Variants in NELL2 observed in about 807,000 individuals in gnomAD.
NELL2 encodes the protein protein kinase C-binding protein NELL2.
A neutral mutation model predicts 109.6 loss-of-function variants in NELL2; 41 were observed. The observed-to-expected ratio is 0.37, with a 90% CI of 0.29 to 0.49. The LOEUF (loss-of-function observed/expected upper bound fraction) is 0.49. Among genes scored for constraint, NELL2 ranks in the 20% least tolerant of loss-of-function variants. The pLI is 0.98. For missense variants in NELL2, 900 were observed against 1,008.3 expected, an observed-to-expected ratio of 0.89 and a Z score of 1.45; for synonymous variants, 355 against 344.7, an observed-to-expected ratio of 1.03 and a Z score of -0.33.
chr12:44,817,233 G>A (rs1943383685), intron 2 of NELL2, among the ~76,000 whole-genome samples: 3 of 152,182 alleles, frequency 2.0e-5, no homozygotes, highest in African/African-American at 7.2e-5. Flanking sequence ...ACATTCCCAG[G>A]GAAGCAATGC....
In NELL2 at chr12:44,876,292, A is replaced by G. The variant is rs1049150167; in HGVS notation, c.-423T>C. The G allele has an allele frequency of 2.6e-6, 3 of 1,150,434 alleles. No homozygotes were observed. The African/African-American group carries it at 4.8e-5, about 18-fold the overall frequency. The allele number at this position is 1,150,434 out of a possible 1,614,324, so 71.3% of individuals were successfully genotyped here. A position where few individuals can be genotyped will look rare whatever the true frequency, so the allele number is the denominator to read the frequency against. On this transcript the variant is annotated 5_prime_UTR_variant, in exon 1 of 20. Transcript: ENST00000429094. Reference sequence around the variant, plus strand: ...CCCCCCCGTCTTCCCCGCCGCCCGAACCTGTTGTAAAGGCAGAGACAATGG... The same window carrying G: ...CCCCCCCGTCTTCCCCGCCGCCCGAGCCTGTTGTAAAGGCAGAGACAATGG...
chr12:44,849,693 T>C (rs1944475501), intron 2 of NELL2, among the ~76,000 whole-genome samples: 2 of 152,208 alleles, frequency 1.3e-5, no homozygotes, highest in Admixed American at 1.3e-4. Context: ...TTTTAGAGAA[T>C]ATTTATGGCA....
At chr12:44,776,297 T>A in intron 7 of NELL2, 147 bp from the exon 8 acceptor site, 1 of 662,548 alleles carries the variant, frequency 1.5e-6, no homozygotes, top group Non-Finnish European at 2.3e-6. Flanking sequence ...TATTTAAGAC[T>A]TTAATTTAAT....
At chr12:44,687,777 G>A (rs1429536903) in intron 12 of NELL2, among the ~76,000 whole-genome samples, 1 of 152,158 alleles carries the variant, frequency 6.6e-6, no homozygotes, top group East Asian at 1.9e-4. Context: ...TAAACTTAAT[G>A]AAGTTGCAAA....
chr12:44,667,330 A>T (rs555145583), intron 12 of NELL2, among the ~76,000 whole-genome samples: 61 of 152,272 alleles, frequency 4.0e-4, no homozygotes, highest in Admixed American at 7.8e-4. Flanking sequence ...TGATTTTTTT[A>T]AAAAAATCTT....
intron 13 of NELL2, among the ~76,000 whole-genome samples, chr12:44,660,469 G>C (rs186411795): frequency 1.5e-4 from 23 of 152,246 alleles, no homozygotes; most frequent in African/African-American, 5.5e-4. Flanking sequence ...ATTACAGGAT[G>C]TTTAGTTGCA....
At chr12:44,537,314 C>T (rs1462099208) in intron 15 of NELL2, among the ~76,000 whole-genome samples, 2 of 152,082 alleles carry the variant, frequency 1.3e-5, no homozygotes, top group African/African-American at 4.8e-5. Context: ...GTTATTTCTA[C>T]TATAAAATAA....
At chr12:44,821,300 G>C (rs1171266154) in intron 2 of NELL2, among the ~76,000 whole-genome samples, 2 of 152,112 alleles carry the variant, frequency 1.3e-5, no homozygotes, top group African/African-American at 2.4e-5. Context: ...GTATAATGGG[G>C]ATGACAATTT....
chr12:44,543,178 CCTT>C lies in NELL2; in HGVS notation c.1664-10460_1664-10458del, dbSNP rs1207205001. Among the ~76,000 whole-genome samples the C allele has an allele frequency of 5.3e-5, 8 of 152,196 alleles. 1 individual carries two copies. The highest frequency in any genetic ancestry group is 1.9e-4 in the African/African-American group (8 of 41,456). On this transcript the variant is annotated intron_variant, in intron 15 of 19. Transcript: ENST00000429094. ...ATTTCCACTTGGATACAAAATTTCTCCTTCTGAAGTCTCCCTGTTCTCAGAAAA... is the reference window on the plus strand; with the variant it reads ...ATTTCCACTTGGATACAAAATTTCTCCTGAAGTCTCCCTGTTCTCAGAAAA...
At chr12:44,864,459 T>A (rs1944931478) in intron 2 of NELL2, among the ~76,000 whole-genome samples, 3 of 152,026 alleles carry the variant, frequency 2.0e-5, no homozygotes, top group Admixed American at 2.0e-4. Context: ...AGTCAAAAAC[T>A]GTAAAATCAG....
intron 13 of NELL2, among the ~76,000 whole-genome samples, chr12:44,635,992 T>C (rs918574059): frequency 1.3e-5 from 2 of 152,172 alleles, no homozygotes; most frequent in Admixed American, 6.6e-5. Context: ...CTTGAAGAGG[T>C]CTTTCATGTC....
intron 15 of NELL2, among the ~76,000 whole-genome samples, chr12:44,594,908 T>C (rs1441902029): frequency 6.6e-6 from 1 of 152,200 alleles, no homozygotes; most frequent in Non-Finnish European, 1.5e-5. Flanking sequence ...TTAAGTTTTA[T>C]GATTTATACA....
At chr12:44,780,303 G>A (rs899592965) in intron 3 of NELL2, among the ~76,000 whole-genome samples, 14 of 151,894 alleles carry the variant, frequency 9.2e-5, no homozygotes, top group Non-Finnish European at 1.9e-4. Flanking sequence ...AAATATCAAT[G>A]AATGTAGACC....
chr12:44,545,940 A>C (rs1027330214), intron 15 of NELL2, among the ~76,000 whole-genome samples: 1 of 152,120 alleles, frequency 6.6e-6, no homozygotes, highest in East Asian at 1.9e-4. Flanking sequence ...CAGAAGAAAA[A>C]ATCTGATTTT....
chr12:44,790,927 T>C (rs1006313712), intron 3 of NELL2, among the ~76,000 whole-genome samples: 2 of 150,358 alleles, frequency 1.3e-5, no homozygotes, highest in African/African-American at 4.9e-5. Flanking sequence ...AGGGACATTA[T>C]ATAATGGTAA....
chr12:44,579,829 C>T (rs1167378938), intron 15 of NELL2, among the ~76,000 whole-genome samples: 5 of 152,080 alleles, frequency 3.3e-5, no homozygotes, highest in African/African-American at 4.8e-5. Context: ...CTGTTAATGC[C>T]TTTATTACCT....
chr12:44,897,067 C>T (rs1456275997), intron 1 of NELL2, among the ~76,000 whole-genome samples: 1 of 152,046 alleles, frequency 6.6e-6, no homozygotes, highest in Non-Finnish European at 1.5e-5. Flanking sequence ...TTAAAAGGCC[C>T]TCTATACAGT....
At chr12:44,713,251 G>A (rs1249494045) in intron 10 of NELL2, among the ~76,000 whole-genome samples, 2 of 151,156 alleles carry the variant, frequency 1.3e-5, no homozygotes, top group Non-Finnish European at 3.0e-5. Flanking sequence ...GAGACAGAGA[G>A]AGAGAGAAAG....
At chr12:44,771,804 G>A (rs539291020) in intron 9 of NELL2, among the ~76,000 whole-genome samples, 2 of 152,172 alleles carry the variant, frequency 1.3e-5, no homozygotes, top group Non-Finnish European at 2.9e-5. Flanking sequence ...TGAAGTTACC[G>A]AGGGAAAGTA....
Sources: gnomAD v4.1 joint callset for allele counts (sites outside exome capture counted in the v4.1 genomes callset) on GRCh38, gnomAD v4.1.1 for gene constraint, MANE v1.5 for transcripts, NCBI Gene and HGNC (gene_info 2026-07-23, HGNC 2026-07-21) for gene names.